SH3PXD2A: variants seen among roughly 807,000 people sequenced by gnomAD.
The protein encoded by SH3PXD2A is SH3 and PX domains 2A, also known as SH3 and PX domain-containing protein 2A.
Under a neutral mutation model 115.2 loss-of-function variants are expected in SH3PXD2A, and 32 were observed. The ratio of observed to expected loss-of-function variants is 0.28; its 90% CI spans 0.21 to 0.37. The LOEUF is 0.37. Among genes scored for constraint, SH3PXD2A ranks in the 10% least tolerant of loss-of-function variants. The pLI, the probability that SH3PXD2A is intolerant of heterozygous loss-of-function variation, is 1.00. For missense variants in SH3PXD2A, 1,328 were observed against 1,498.7 expected (o/e 0.89, Z 1.88); for synonymous variants, 610 against 629.1 (o/e 0.97, Z 0.45).
rs906344795 is a variant in SH3PXD2A, at chr10:103,602,503, A to G, written c.2715T>C (p.Ser905=). The G allele has an allele frequency of 6.2e-7, 1 of 1,614,106 alleles. No homozygotes were observed. Among genetic ancestry groups the G allele is most frequent in the Non-Finnish European group, 8.5e-7 (1 of 1,179,996 alleles). The change falls in exon 15 of 15, where the codon TCT becomes TCC. Residue 905 remains serine, a synonymous_variant. Transcript: ENST00000369774. The part of the protein sequence containing the change: ...VLDENEQPDP[S]GKELDTVPAK... Reference sequence around the variant, plus strand: ...CGGGCACTGTGTCCAGCTCTTTGCCAGAGGGGTCAGGTTGCTCGTTCTCAT... The same window carrying G: ...CGGGCACTGTGTCCAGCTCTTTGCCGGAGGGGTCAGGTTGCTCGTTCTCAT...
chr10:103,788,460 T>C (rs958028987), intron 2 of SH3PXD2A, among the ~76,000 whole-genome samples: 23 of 152,208 alleles, frequency 1.5e-4, no homozygotes, highest in African/African-American at 5.5e-4. Flanking sequence ...GTCATCCATC[T>C]GTGGAGGTCT....
intron 13 of SH3PXD2A, chr10:103,609,730 C>T (rs1389696077): frequency 5.3e-5 from 8 of 152,156 alleles, no homozygotes; most frequent in African/African-American, 1.2e-4. Flanking sequence ...CTTTGTACCC[C>T]GCTATTTATG....
intron 2 of SH3PXD2A, among the ~76,000 whole-genome samples, chr10:103,796,151 G>A (rs977779205): frequency 4.0e-5 from 6 of 151,818 alleles, no homozygotes; most frequent in African/African-American, 1.5e-4. Flanking sequence ...TTGAGCCCAG[G>A]AGTTTGAGAC....
At chr10:103,799,163 C>T (rs1227821420) in intron 2 of SH3PXD2A, among the ~76,000 whole-genome samples, 3 of 152,226 alleles carry the variant, frequency 2.0e-5, no homozygotes, top group Non-Finnish European at 4.4e-5. Context: ...CTCTAAGCTG[C>T]TCTCTTACAC....
In SH3PXD2A at chr10:103,685,873, C is replaced by G. The variant is rs566047494; in HGVS notation, c.427+7155G>C. On this transcript the variant is annotated intron_variant, in intron 6 of 14. Transcript: ENST00000369774. ...CTGAGTCTACGCCCTGTCGTCCCCT[C>G]CTGGGTCTCACAGAATGGAAATAAA... Among the ~76,000 whole-genome samples the G allele has an allele frequency of 1.7e-3, 264 of 152,326 alleles. 1 individual carries two copies. The highest frequency in any genetic ancestry group is 3.4e-3 in the Middle Eastern group (1 of 294).
At chr10:103,690,745 AC>A (rs1564864886) in intron 6 of SH3PXD2A, among the ~76,000 whole-genome samples, 1 of 152,216 alleles carries the variant, frequency 6.6e-6, no homozygotes, top group African/African-American at 2.4e-5. Context: ...CACATAATAA[AC>A]CATCACAAAA....
intron 1 of SH3PXD2A, among the ~76,000 whole-genome samples, chr10:103,841,284 G>T (rs891297579): frequency 3.3e-5 from 5 of 152,230 alleles, no homozygotes; most frequent in Non-Finnish European, 5.9e-5. Context: ...AGGAATTCAC[G>T]CCCCTACCTG....
At chr10:103,698,947 T>C (rs894670487) in intron 5 of SH3PXD2A, among the ~76,000 whole-genome samples, 3 of 151,872 alleles carry the variant, frequency 2.0e-5, no homozygotes, top group Non-Finnish European at 4.4e-5. Flanking sequence ...TCCAAACAGT[T>C]GTGGACTGGG....
Position 103,594,959 on chromosome 10 carries a change from C to G in SH3PXD2A, c.*6857G>C, listed in dbSNP as rs552618653. 1 of 152,164 alleles carries G rather than the reference C, an allele frequency of 6.6e-6. No homozygotes were observed. Among genetic ancestry groups the G allele is most frequent in the Admixed American group, 6.5e-5 (1 of 15,272 alleles). 9.4% of individuals were successfully genotyped at this position (152,164 alleles called of 1,614,324 possible). On this transcript the variant is annotated 3_prime_UTR_variant, in exon 15 of 15. Coordinates refer to ENST00000369774, the MANE Select transcript of SH3PXD2A (RefSeq NM_001394015.1). The stretch of plus-strand genomic sequence containing the variant: ...CTGGTTCTAATTTGTGGAGGTGGGT[C>G]CCTACTGTATGACCCATTGTGGTCA...
chr10:103,670,203 G>A lies in SH3PXD2A; in HGVS notation c.428-1551C>T, dbSNP rs373523588. Among the ~76,000 whole-genome samples, 180 of 152,294 alleles carry A rather than the reference G, an allele frequency of 1.2e-3. 1 individual carries two copies. The highest frequency in any genetic ancestry group is 1.7e-3 in the Non-Finnish European group (113 of 68,030). ...CTGGTTCTCATTGTAAATTAGCAGA[G>A]TGGGGCTTTGGTGGAGCGGTCTAGC... On this transcript the variant is annotated intron_variant, in intron 6 of 14. Transcript: ENST00000369774.
At chr10:103,825,794 C>G (rs563124743) in intron 1 of SH3PXD2A, among the ~76,000 whole-genome samples, 241 of 144,412 alleles carry the variant, frequency 1.7e-3, no homozygotes, top group Middle Eastern at 3.8e-3. Flanking sequence ...GACGGAGTCT[C>G]GCTCTGTCAC....
At chr10:103,605,552 A>T (rs1303751559) in intron 14 of SH3PXD2A, among the ~76,000 whole-genome samples, 10 of 152,192 alleles carry the variant, frequency 6.6e-5, no homozygotes, top group Admixed American at 6.5e-4. Flanking sequence ...AAGCTCCTGC[A>T]CATGCTCTGG....
chr10:103,608,150 T>TAAAAAAAAAAAAAAAAAAGTTTAA (rs1554903068), intron 13 of SH3PXD2A, among the ~76,000 whole-genome samples: 3 of 32,620 alleles, frequency 9.2e-5, no homozygotes, highest in African/African-American at 2.4e-4. Context: ...ATGATCAATT[T>TAAAAAAAAAAAAAAAAAAGTTTAA]AAAAAAAAAA....
intron 5 of SH3PXD2A, among the ~76,000 whole-genome samples, chr10:103,701,104 CTA>C (rs1564867704): frequency 0.53 from 18,484 of 34,896 alleles, 4,964 homozygotes; most frequent in East Asian, 0.59. Flanking sequence ...ATCTATCCAT[CTA>C]CCATCCAGCC....
intron 2 of SH3PXD2A, among the ~76,000 whole-genome samples, chr10:103,797,124 A>C (rs2134259158): frequency 6.6e-6 from 1 of 152,182 alleles, no homozygotes; most frequent in Admixed American, 6.5e-5. Flanking sequence ...TTGGCCTCTC[A>C]AGGTGCTGGG....
At chr10:103,783,729 C>T (rs998270714) in intron 2 of SH3PXD2A, among the ~76,000 whole-genome samples, 1 of 152,218 alleles carries the variant, frequency 6.6e-6, no homozygotes, top group Non-Finnish European at 1.5e-5. Flanking sequence ...TTGGAATCTC[C>T]TTAAGCCAAG....
intron 8 of SH3PXD2A, among the ~76,000 whole-genome samples, chr10:103,657,536 A>C (rs1466983440): frequency 6.6e-6 from 1 of 152,234 alleles, no homozygotes; most frequent in African/African-American, 2.4e-5. Context: ...AAAGCTACCA[A>C]AGCTATGAAT....
At chr10:103,840,987 T>C (rs1317013882) in intron 1 of SH3PXD2A, among the ~76,000 whole-genome samples, 1 of 152,222 alleles carries the variant, frequency 6.6e-6, no homozygotes, top group Non-Finnish European at 1.5e-5. Context: ...AAATCTACTC[T>C]GAGGATGAGA....
chr10:103,802,116 G>T (rs2039153618), intron 1 of SH3PXD2A, among the ~76,000 whole-genome samples: 1 of 152,190 alleles, frequency 6.6e-6, no homozygotes, highest in African/African-American at 2.4e-5. Flanking sequence ...GCAGACCTGG[G>T]TTTTGAGGGC....
Sources: gnomAD v4.1 joint callset for allele counts (sites outside exome capture counted in the v4.1 genomes callset) on GRCh38, gnomAD v4.1.1 for gene constraint, MANE v1.5 for transcripts, NCBI Gene and HGNC (gene_info 2026-07-23, HGNC 2026-07-21) for gene names.